COBLL1: variants seen among roughly 807,000 people sequenced by gnomAD.
COBLL1 encodes cordon-bleu WH2 repeat protein like 1.
A neutral mutation model predicts 94.8 loss-of-function variants in COBLL1; 50 were observed. That is an observed-to-expected ratio of 0.53 (90% CI 0.42 to 0.67). The LOEUF (loss-of-function observed/expected upper bound fraction) is 0.67. Among genes scored for constraint, COBLL1 ranks in the 30% least tolerant of loss-of-function variants. COBLL1 has a pLI of 0.00. For synonymous variants in COBLL1, 448 were observed against 473.8 expected (o/e 0.95, Z 0.71); for missense variants, 1,362 against 1,348.7 (o/e 1.01, Z -0.15).
intron 2 of COBLL1, among the ~76,000 whole-genome samples, chr2:164,816,436 C>G (rs533154089): frequency 3.9e-5 from 6 of 152,204 alleles, no homozygotes; most frequent in African/African-American, 1.4e-4. Context: ...ACTGTACAGA[C>G]AGCAAAGACT....
chr2:164,737,577 T>C (rs1028107228), intron 3 of COBLL1, among the ~76,000 whole-genome samples: 3 of 151,986 alleles, frequency 2.0e-5, no homozygotes, highest in Admixed American at 6.6e-5. Context: ...TGTACCACCC[T>C]ATAGATTTTT....
At chr2:164,739,381 T>C (rs1686480576) in intron 3 of COBLL1, among the ~76,000 whole-genome samples, 1 of 152,186 alleles carries the variant, frequency 6.6e-6, no homozygotes, top group African/African-American at 2.4e-5. Context: ...TAGAACATCC[T>C]GAGCCCACCT....
rs1559046622 is a variant in COBLL1, at chr2:164,818,600, C to CGT, written c.41+22555_41+22556insAC. 3.1e-3 allele frequency among the ~76,000 whole-genome samples: 434 copies of CGT among 137,854 alleles called. 20 individuals carry two copies. The highest frequency in any genetic ancestry group is 0.011 in the African/African-American group (378 of 33,244). The allele number at this position is 137,854 out of a possible 152,430, so 90.4% of individuals were successfully genotyped here. A position where few individuals can be genotyped will look rare whatever the true frequency, so the allele number is the denominator to read the frequency against. Reference sequence around the variant, plus strand: ...TATGTACATATGTACACATATATAGCATATGTGTACATATGTACACATATA... The same window carrying CGT: ...TATGTACATATGTACACATATATAGCGTATATGTGTACATATGTACACATATA... On this transcript the variant is annotated intron_variant, in intron 2 of 13. Transcript: ENST00000652658.
In COBLL1 at chr2:164,841,403, G is replaced by A. The variant is rs1004881573; in HGVS notation, c.-50-157C>T. ...ACCTGCGGGCCCCGGCTCCCAGCCC[G>A]CGGGCGCCGCCGCCGTCTCTACAAG... On this transcript the variant is annotated intron_variant, in intron 1 of 13. Coordinates refer to ENST00000652658, the MANE Select transcript of COBLL1 (RefSeq NM_001365672.2). This position sits in a 1 kb window ranked among gnomAD's most constrained non-coding sequence, Gnocchi z 5.5. The A allele has an allele frequency of 1.0e-5, 12 of 1,168,150 alleles. No homozygotes were observed. Among genetic ancestry groups the A allele is most frequent in the Non-Finnish European group, 1.3e-5 (12 of 947,640 alleles). 72.4% of individuals were successfully genotyped at this position (1,168,150 alleles called of 1,614,324 possible). A position where few individuals can be genotyped will look rare whatever the true frequency, so the allele number is the denominator to read the frequency against.
At chr2:164,687,612 A>G in intron 13 of COBLL1, 2 of 1,085,568 alleles carry the variant, frequency 1.8e-6, no homozygotes, top group Non-Finnish European at 2.8e-6. Context: ...GGGGTAATGC[A>G]AGGTCAGAGA....
chr2:164,776,025 C>T (rs1018192058), intron 2 of COBLL1, among the ~76,000 whole-genome samples: 6 of 151,980 alleles, frequency 3.9e-5, no homozygotes, highest in African/African-American at 1.5e-4. Context: ...CTTTCCCTCA[C>T]TTCCATTTTC....
chr2:164,727,932 C>A, intron 5 of COBLL1, 37 bp downstream of exon 5: 1 of 1,358,152 alleles, frequency 7.4e-7, no homozygotes, highest in Non-Finnish European at 1.0e-6. Flanking sequence ...CAAATATACA[C>A]ATCCCACTAA....
At chr2:164,805,321 C>A (rs1227994590) in intron 2 of COBLL1, among the ~76,000 whole-genome samples, 2,556 of 35,290 alleles carry the variant, frequency 0.072, 354 homozygotes, top group African/African-American at 0.17. Context: ...CTCTCTCTCT[C>A]TCTCTCTCTC....
In COBLL1 at chr2:164,682,927, C is replaced by T. The variant is rs1163689322; in HGVS notation, c.*3019G>A. On this transcript the variant is annotated 3_prime_UTR_variant, in exon 14 of 14. Coordinates refer to ENST00000652658, the MANE Select transcript of COBLL1 (RefSeq NM_001365672.2). ...TGTATGTGTAAAAAGAAAAGCTCTT[C>T]CAGAACACTGCTGGTATAAAAGGCA... 1 of 151,312 alleles carries T rather than the reference C, an allele frequency of 6.6e-6. No homozygotes were observed. Among genetic ancestry groups the T allele is most frequent in the Admixed American group, 6.6e-5 (1 of 15,130 alleles). 9.4% of individuals were successfully genotyped at this position (151,312 alleles called of 1,614,324 possible).
chr2:164,809,001 AAC>A (rs1444584818), intron 2 of COBLL1, among the ~76,000 whole-genome samples: 1 of 152,126 alleles, frequency 6.6e-6, no homozygotes, highest in Non-Finnish European at 1.5e-5. Flanking sequence ...GCACTAGAGC[AAC>A]ACTTGGAATT....
Position 164,690,916 on chromosome 2 carries a change from C to A in COBLL1, c.3300+1305G>T, listed in dbSNP as rs183635972. On this transcript the variant is annotated intron_variant, in intron 13 of 13. Coordinates refer to ENST00000652658, the MANE Select transcript of COBLL1 (RefSeq NM_001365672.2). The stretch of plus-strand genomic sequence containing the variant: ...TTCGTGAGGTTGTGTAATTTATTAA[C>A]AAGGGCATTTATCCTCCTCTAAAAA... Among the ~76,000 whole-genome samples, 245 of 152,240 alleles carry A rather than the reference C, an allele frequency of 1.6e-3. 1 individual carries two copies. Among genetic ancestry groups the A allele is most frequent in the Middle Eastern group, 3.4e-3 (1 of 294 alleles).
At chr2:164,812,082 T>A (rs1056612761) in intron 2 of COBLL1, among the ~76,000 whole-genome samples, 1 of 152,036 alleles carries the variant, frequency 6.6e-6, no homozygotes, top group African/African-American at 2.4e-5. Context: ...AAATACTTTT[T>A]TTCTGACATC....
At chr2:164,690,402 A>G (rs1683530713) in intron 13 of COBLL1, among the ~76,000 whole-genome samples, 1 of 152,218 alleles carries the variant, frequency 6.6e-6, no homozygotes, top group Non-Finnish European at 1.5e-5. Flanking sequence ...TAAACAGGAA[A>G]CAATTATAGG....
intron 13 of COBLL1, among the ~76,000 whole-genome samples, chr2:164,689,108 T>C (rs1238708247): frequency 6.6e-6 from 1 of 152,082 alleles, no homozygotes; most frequent in African/African-American, 2.4e-5. Flanking sequence ...CTAATCTCTG[T>C]GACTACATGT....
At chr2:164,805,582 T>C (rs1049559772) in intron 2 of COBLL1, among the ~76,000 whole-genome samples, 1 of 151,576 alleles carries the variant, frequency 6.6e-6, no homozygotes. Context: ...TGGAATAATA[T>C]AGTATGTAGC....
chr2:164,710,319 T>C (rs1488033005), intron 7 of COBLL1, among the ~76,000 whole-genome samples: 1 of 152,074 alleles, frequency 6.6e-6, no homozygotes, highest in East Asian at 1.9e-4. Flanking sequence ...CTTCGATATT[T>C]CTAAATAGAC....
At chr2:164,830,008 T>C (rs1268729935) in intron 2 of COBLL1, among the ~76,000 whole-genome samples, 1 of 152,190 alleles carries the variant, frequency 6.6e-6, no homozygotes, top group Admixed American at 6.5e-5. Flanking sequence ...CCTAGGGCCA[T>C]GGTGATAATG....
chr2:164,785,177 G>C (rs547024969), intron 2 of COBLL1, among the ~76,000 whole-genome samples: 2 of 152,228 alleles, frequency 1.3e-5, no homozygotes, highest in South Asian at 4.2e-4. Context: ...GGTAATTTGG[G>C]CTGGAGTCTG....
chr2:164,728,725 A>G (rs1447140338), intron 4 of COBLL1, among the ~76,000 whole-genome samples: 1 of 152,058 alleles, frequency 6.6e-6, no homozygotes, highest in Non-Finnish European at 1.5e-5. Context: ...TCATTTATCA[A>G]TAAGAGAACA....
Sources: gnomAD v4.1 joint callset for allele counts (sites outside exome capture counted in the v4.1 genomes callset) on GRCh38, gnomAD v4.1.1 for gene constraint, Gnocchi (gnomAD v3.1) non-coding constraint, MANE v1.5 for transcripts, NCBI Gene and HGNC (gene_info 2026-07-23, HGNC 2026-07-21) for gene names.